The following GPC6 variants were observed in gnomAD, a reference collection of about 807,000 sequenced individuals.
The protein encoded by GPC6 is glypican 6.
A neutral mutation model predicts 55.2 loss-of-function variants in GPC6; 14 were observed. The ratio of observed to expected loss-of-function variants is 0.25; its 90% CI spans 0.17 to 0.40. GPC6 has a LOEUF of 0.40. Among genes scored for constraint, GPC6 ranks in the 10% least tolerant of loss-of-function variants. GPC6 has a pLI of 1.00. For synonymous variants in GPC6, 278 were observed against 259.6 expected (o/e 1.07, Z -0.68); for missense variants, 641 against 708.5 (o/e 0.90, Z 1.08).
chr13:93,619,760 T>C (rs1878874114), intron 2 of GPC6, among the ~76,000 whole-genome samples: 1 of 152,192 alleles, frequency 6.6e-6, no homozygotes, highest in African/African-American at 2.4e-5. Flanking sequence ...TAAAAATATA[T>C]CTTACAATTT....
chr13:93,340,496 C>T (rs1182566534), intron 1 of GPC6, among the ~76,000 whole-genome samples: 1 of 152,114 alleles, frequency 6.6e-6, no homozygotes, highest in Admixed American at 6.5e-5. Flanking sequence ...TTTGGATAAT[C>T]ATAAGTGAAA....
chr13:94,380,386 C>T (rs1483062894), intron 6 of GPC6, among the ~76,000 whole-genome samples: 5 of 151,976 alleles, frequency 3.3e-5, no homozygotes, highest in East Asian at 1.9e-4. Context: ...GTGGACACTA[C>T]GTAGAACAAA....
intron 3 of GPC6, among the ~76,000 whole-genome samples, chr13:93,955,243 GCACACA>G (rs10524254): frequency 0.16 from 22,286 of 136,092 alleles, 1,859 homozygotes; most frequent in East Asian, 0.32. Flanking sequence ...GAATGAACAT[GCACACA>G]CACACACACA....
At chr13:93,402,849 T>A (rs1221471312) in intron 1 of GPC6, among the ~76,000 whole-genome samples, 1 of 152,150 alleles carries the variant, frequency 6.6e-6, no homozygotes, top group Non-Finnish European at 1.5e-5. Context: ...GATAACTTGA[T>A]CACTTCCTGT....
intron 3 of GPC6, among the ~76,000 whole-genome samples, chr13:93,962,999 C>T (rs1013425222): frequency 6.6e-6 from 1 of 151,980 alleles, no homozygotes; most frequent in African/African-American, 2.4e-5. Flanking sequence ...TTCATAATAC[C>T]TTTTGCATCT....
intron 4 of GPC6, among the ~76,000 whole-genome samples, chr13:94,035,595 G>T (rs1189347647): frequency 6.6e-6 from 1 of 151,902 alleles, no homozygotes; most frequent in Admixed American, 6.6e-5. Context: ...AAAGGAAGGC[G>T]GTTTACCTCC....
chr13:93,555,916 G>T (rs1381426594), intron 2 of GPC6, among the ~76,000 whole-genome samples: 2 of 152,166 alleles, frequency 1.3e-5, no homozygotes, highest in African/African-American at 4.8e-5. Flanking sequence ...GAATTGAGAG[G>T]TTAGTTAGCA....
At chr13:93,813,891 G>A (rs1177347436) in intron 2 of GPC6, among the ~76,000 whole-genome samples, 1 of 151,820 alleles carries the variant, frequency 6.6e-6, no homozygotes, top group Non-Finnish European at 1.5e-5. Flanking sequence ...GATCATATAT[G>A]TATCATCAAT....
chr13:93,462,797 G>T lies in GPC6; in HGVS notation c.161-82466G>T, dbSNP rs191509621. Among the ~76,000 whole-genome samples, 3 of 152,106 alleles carry T rather than the reference G, an allele frequency of 2.0e-5. No homozygotes were observed. In the East Asian group the frequency reaches 5.8e-4, roughly 30 times the overall value. ...GTAATCAAGCCTACTGTGTATATAA[G>T]ATGAAAAGAATCAAAGGGGAAGCTC... On this transcript the variant is annotated intron_variant, in intron 1 of 8. Transcript: ENST00000377047.
intron 4 of GPC6, among the ~76,000 whole-genome samples, chr13:94,193,062 C>CGTGTGTGTGTGT (rs66612458): frequency 5.4e-5 from 8 of 148,710 alleles, no homozygotes; most frequent in African/African-American, 2.0e-4. Flanking sequence ...TGAGACTCCT[C>CGTGTGTGTGTGT]GTGTGTGTGT....
At chr13:93,472,728 G>A (rs1879166806) in intron 1 of GPC6, among the ~76,000 whole-genome samples, 1 of 152,164 alleles carries the variant, frequency 6.6e-6, no homozygotes, top group African/African-American at 2.4e-5. Flanking sequence ...TTGAGAAAGG[G>A]GCATCTTTCT....
At chr13:94,152,609 T>C (rs1854682830) in intron 4 of GPC6, among the ~76,000 whole-genome samples, 1 of 152,126 alleles carries the variant, frequency 6.6e-6, no homozygotes, top group African/African-American at 2.4e-5. Context: ...ACTTGCTTAC[T>C]TCACAGTTAA....
chr13:93,683,041 AAAAG>A lies in GPC6; in HGVS notation c.319+137624_319+137627del, dbSNP rs1488797910. Among the ~76,000 whole-genome samples the A allele has an allele frequency of 4.6e-5, 7 of 152,134 alleles. No homozygotes were observed. The East Asian group carries it at 1.4e-3, about 29-fold the overall frequency. ...TGAAAAGAAAACAAAAAGAAAAAGAAAAAGAAAAGAAAGAAAGTCTAGATATTAA... is the reference window on the plus strand; with the variant it reads ...TGAAAAGAAAACAAAAAGAAAAAGAAAAAAGAAAGAAAGTCTAGATATTAA... On this transcript the variant is annotated intron_variant, in intron 2 of 8. Coordinates refer to ENST00000377047, the MANE Select transcript of GPC6 (RefSeq NM_005708.5).
chr13:93,260,969 T>C lies in GPC6; in HGVS notation c.160+33353T>C, dbSNP rs115707474. Among the ~76,000 whole-genome samples, 695 of 152,286 alleles carry C rather than the reference T, an allele frequency of 4.6e-3. 6 individuals are homozygous for C. The highest frequency in any genetic ancestry group is 0.016 in the African/African-American group (653 of 41,576). The stretch of plus-strand genomic sequence containing the variant: ...TATGGTGGGTGGGAATACATGATTA[T>C]GTTTTTCATGCTTAGGGTCAGACAC... On this transcript the variant is annotated intron_variant, in intron 1 of 8. Transcript: ENST00000377047.
chr13:94,391,784 T>C (rs74888507), intron 7 of GPC6, among the ~76,000 whole-genome samples: 1 of 152,270 alleles, frequency 6.6e-6, no homozygotes, highest in African/African-American at 2.4e-5. Flanking sequence ...CTGTACCCAT[T>C]AAACATAAAT....
intron 1 of GPC6, among the ~76,000 whole-genome samples, chr13:93,269,688 G>A (rs767966260): frequency 2.0e-5 from 3 of 151,446 alleles, no homozygotes; most frequent in Non-Finnish European, 2.9e-5. Context: ...CACTTTGGGA[G>A]GCCAAGGTGG....
At chr13:93,845,791 C>T (rs867319681) in intron 3 of GPC6, among the ~76,000 whole-genome samples, 7 of 141,032 alleles carry the variant, frequency 5.0e-5, no homozygotes, top group South Asian at 4.6e-4. Context: ...AATGAGATCA[C>T]GTGGACACAT....
chr13:94,064,201 T>C (rs1884437163), intron 4 of GPC6, among the ~76,000 whole-genome samples: 1 of 152,226 alleles, frequency 6.6e-6, no homozygotes, highest in South Asian at 2.1e-4. Context: ...ATCTCCAAAA[T>C]GTTTCTAAGC....
intron 2 of GPC6, among the ~76,000 whole-genome samples, chr13:93,619,353 T>G (rs1259718021): frequency 6.6e-6 from 1 of 152,188 alleles, no homozygotes; most frequent in East Asian, 1.9e-4. Context: ...ATGGATTATT[T>G]TAAATAAAAG....
Sources: allele counts gnomAD v4.1 joint callset (sites outside exome capture counted in the v4.1 genomes callset), GRCh38; gene constraint gnomAD v4.1.1; transcripts MANE v1.5; gene names NCBI Gene and HGNC (gene_info 2026-07-23, HGNC 2026-07-21).